Variants in FAM149A observed in about 807,000 individuals in gnomAD.
The protein encoded by FAM149A is family with sequence similarity 149 member A, also known as protein FAM149A.
A neutral mutation model predicts 78.2 loss-of-function variants in FAM149A; 71 were observed. That is an observed-to-expected ratio of 0.91 (90% CI 0.75 to 1.11). The LOEUF (loss-of-function observed/expected upper bound fraction) is 1.11. FAM149A is among the 50% of genes least tolerant of loss of function. The pLI, the probability that FAM149A is intolerant of heterozygous loss-of-function variation, is 0.00. For synonymous variants in FAM149A, 446 were observed against 410.5 expected (o/e 1.09, Z -1.04); for missense variants, 1,036 against 971.0 (o/e 1.07, Z -0.89).
At chr4:186,150,985 A>G in intron 3 of FAM149A, 6 of 980,388 alleles carry the variant, frequency 6.1e-6, no homozygotes, top group Non-Finnish European at 7.3e-6. Flanking sequence ...CTCCCATGGC[A>G]TGAGCCACTG....
At chr4:186,149,523 C>T (rs1435470058) in intron 2 of FAM149A, 43 bp from the exon 3 acceptor site, 1 of 1,289,416 alleles carries the variant, frequency 7.8e-7, no homozygotes, top group Admixed American at 2.3e-5. Context: ...CATCCAAGCC[C>T]TTCCAGCAAA....
Position 186,105,625 on chromosome 4 carries a change from C to A in FAM149A, c.549C>A (p.Asp183Glu). 9 of 1,059,384 alleles carry A rather than the reference C, an allele frequency of 8.5e-6. No individual in the cohort carries two copies. Among genetic ancestry groups the A allele is most frequent in the Non-Finnish European group, 1.0e-5 (9 of 871,558 alleles). The allele number at this position is 1,059,384 out of a possible 1,614,324, so 65.6% of individuals were successfully genotyped here. The change falls in exon 1 of 14, where the codon GAC (aspartate) becomes GAA (glutamate). Residue 183 changes from aspartate to glutamate, a missense_variant. This residue lies in a region of FAM149A where 316 missense variants were observed against 241.9 expected (regional missense o/e 1.31). Coordinates refer to ENST00000389354, the MANE Select transcript of FAM149A (RefSeq NM_001367768.3). Reference sequence around the variant, plus strand: ...GCGAGGAGGGGGCCTCGGACGGCGACTCCGGGGATGGCGAAGCGTGAGTAG... The same window carrying A: ...GCGAGGAGGGGGCCTCGGACGGCGAATCCGGGGATGGCGAAGCGTGAGTAG...
intron 1 of FAM149A, among the ~76,000 whole-genome samples, chr4:186,131,141 A>G (rs977690674): frequency 1.3e-5 from 2 of 152,144 alleles, no homozygotes; most frequent in African/African-American, 4.8e-5. Flanking sequence ...TGAGGTCAAG[A>G]GTTCGAGACC....
chr4:186,137,021 A>C (rs751164910), intron 1 of FAM149A, among the ~76,000 whole-genome samples: 51 of 93,764 alleles, frequency 5.4e-4, no homozygotes, highest in East Asian at 2.9e-3. Context: ...TCTCTCTCTA[A>C]GTGCTTAAAG....
At chr4:186,125,500 C>A in intron 1 of FAM149A, 1 of 364,396 alleles carries the variant, frequency 2.7e-6, no homozygotes, top group Non-Finnish European at 3.8e-6. Context: ...CGTCAGCCAG[C>A]CAGCAATCAG....
rs544101654 is a variant in FAM149A, at chr4:186,108,934, G to A, written c.566+3292G>A. ...GCGATCTCGGCTCACTGCAAGCTCC[G>A]CCTCCTGGGTTCACGCCATTCTCCT... On this transcript the variant is annotated intron_variant, in intron 1 of 13. Transcript: ENST00000389354. 14 of 149,220 alleles carry A rather than the reference G, an allele frequency of 9.4e-5. No homozygotes were observed. In the East Asian group the frequency reaches 2.2e-3, roughly 23 times the overall value. The allele number at this position is 149,220 out of a possible 1,614,324, so 9.2% of individuals were successfully genotyped here.
chr4:186,136,202 G>T (rs542402301), intron 1 of FAM149A, among the ~76,000 whole-genome samples: 3 of 152,140 alleles, frequency 2.0e-5, no homozygotes, highest in Non-Finnish European at 2.9e-5. Context: ...TTGCCCAATT[G>T]AACTCTTCAT....
At chr4:186,131,991 G>T in intron 1 of FAM149A, 2 of 985,390 alleles carry the variant, frequency 2.0e-6, no homozygotes, top group Non-Finnish European at 2.4e-6. Flanking sequence ...CTTTTTGAAT[G>T]GGTTTAGCTT....
chr4:186,108,613 C>T (rs116191943), intron 1 of FAM149A, among the ~76,000 whole-genome samples: 4,250 of 152,218 alleles, frequency 0.028, 79 homozygotes, highest in Middle Eastern at 0.054. Context: ...GGCGTACTGA[C>T]TGCACATCTG....
chr4:186,127,488 T>A, intron 1 of FAM149A: 1 of 985,084 alleles, frequency 1.0e-6, no homozygotes. Flanking sequence ...ACAGCTGGAG[T>A]GTGGGTACCA....
At chr4:186,167,739 C>T (rs979116383) in intron 13 of FAM149A, 1 of 245,562 alleles carries the variant, frequency 4.1e-6, no homozygotes, top group Non-Finnish European at 8.1e-6. Flanking sequence ...GCAGGATATT[C>T]TAGTTTGAAT....
chr4:186,107,657 C>T (rs551585350), intron 1 of FAM149A: 5 of 152,482 alleles, frequency 3.3e-5, no homozygotes, highest in African/African-American at 1.2e-4. Flanking sequence ...AACTCCTGGC[C>T]TCAAGCAATC....
At chr4:186,158,813 C>G in intron 8 of FAM149A, 3 of 1,008,488 alleles carry the variant, frequency 3.0e-6, no homozygotes, top group Non-Finnish European at 3.6e-6. Flanking sequence ...GCTCAGGCCC[C>G]TGAATGAGGA....
At chr4:186,141,804 G>A (rs923457937) in intron 1 of FAM149A, among the ~76,000 whole-genome samples, 2 of 152,118 alleles carry the variant, frequency 1.3e-5, no homozygotes, top group African/African-American at 4.8e-5. Flanking sequence ...CAAGATAATA[G>A]GGCTTTAAAA....
chr4:186,152,539 CTTTTTTTTTTT>C (rs10718602), intron 4 of FAM149A, among the ~76,000 whole-genome samples: 2,868 of 88,428 alleles, frequency 0.032, 137 homozygotes, highest in African/African-American at 0.13. Context: ...TTTCTTTTTG[CTTTTTTTTTTT>C]TTTTTTTTTT....
At position 186,127,051 on chromosome 4, in the gene FAM149A, A is replaced by G. The variant is rs2099318627; in HGVS notation, c.566+21409A>G. ...CAATTACAAGTGTTGCGGGCAGGAC[A>G]GTTACTTCACAGGCAGAAGTAGTGT... On this transcript the variant is annotated intron_variant, in intron 1 of 13. Coordinates refer to ENST00000389354, the MANE Select transcript of FAM149A (RefSeq NM_001367768.3). The G allele has an allele frequency of 6.1e-6, 6 of 985,364 alleles. No individual in the cohort carries two copies. In the South Asian group the frequency reaches 2.4e-4, roughly 39 times the overall value. The allele number at this position is 985,364 out of a possible 1,614,324, so 61.0% of individuals were successfully genotyped here. A position where few individuals can be genotyped will look rare whatever the true frequency, so the allele number is the denominator to read the frequency against.
rs1234747019 is a variant in FAM149A at position 186,104,796 on chromosome 4, C to G, written c.-281C>G. ...CTGGGGCGGGCGGCGGCCGCGCTTC[C>G]CGGGGCTCCTGGCCCTTCGGCCCTC... On this transcript the variant is annotated 5_prime_UTR_variant, in exon 1 of 14. Coordinates refer to ENST00000389354, the MANE Select transcript of FAM149A (RefSeq NM_001367768.3). Among the ~76,000 whole-genome samples the G allele has an allele frequency of 2.7e-5, 4 of 149,740 alleles. No individual in the cohort carries two copies. Among genetic ancestry groups the G allele is most frequent in the African/African-American group, 9.9e-5 (4 of 40,516 alleles).
rs755848805 is a variant in FAM149A, at chr4:186,151,887, G to T, written c.790-16G>T. On this transcript the variant is annotated splice_polypyrimidine_tract_variant and intron_variant, in intron 3 of 13. Coordinates refer to ENST00000389354, the MANE Select transcript of FAM149A (RefSeq NM_001367768.3). Reference sequence around the variant, plus strand: ...GTAACTTGCAGTGTTGTAACCAAGTGTGCATTTCTGTTTAGGAATTTGACG... The same window carrying T: ...GTAACTTGCAGTGTTGTAACCAAGTTTGCATTTCTGTTTAGGAATTTGACG... 1.2e-6 allele frequency: 2 copies of T among 1,613,426 alleles called. No individual in the cohort carries two copies. Among genetic ancestry groups the T allele is most frequent in the Non-Finnish European group, 1.7e-6 (2 of 1,179,614 alleles).
chr4:186,126,056 C>T, intron 1 of FAM149A: 1 of 985,372 alleles, frequency 1.0e-6, no homozygotes, highest in Non-Finnish European at 1.2e-6. Context: ...TGGTGTTTCC[C>T]AGACTCCTGT....
Sources: gnomAD v4.1 joint callset for allele counts (sites outside exome capture counted in the v4.1 genomes callset) on GRCh38, gnomAD v4.1.1 for gene constraint, gnomAD v4.1.1 regional missense constraint, MANE v1.5 for transcripts, NCBI Gene and HGNC (gene_info 2026-07-23, HGNC 2026-07-21) for gene names.